Variants in TLK1 observed in about 807,000 individuals in gnomAD.
TLK1 encodes the protein serine/threonine-protein kinase tousled-like 1.
In TLK1, 24 loss-of-function variants were observed where a neutral mutation model predicts 105.3. The observed-to-expected ratio is 0.23, with a 90% CI of 0.17 to 0.32. The LOEUF (loss-of-function observed/expected upper bound fraction) is 0.32, where lower values mean the gene tolerates loss of function less well. Ranked by LOEUF, TLK1 falls within the 10% of genes least tolerant of loss-of-function variation. The pLI is 1.00. For synonymous variants in TLK1, 321 were observed against 310.4 expected (o/e 1.03, Z -0.36); for missense variants, 558 against 910.5 (o/e 0.61, Z 4.98).
chr2:171,197,156 T>C (rs988227485), intron 1 of TLK1, among the ~76,000 whole-genome samples: 7 of 152,188 alleles, frequency 4.6e-5, no homozygotes, highest in Non-Finnish European at 8.8e-5. Context: ...TTTTGTGTTA[T>C]GGTCTAATGG....
intron 12 of TLK1, among the ~76,000 whole-genome samples, chr2:171,024,128 A>G (rs1247882394): frequency 2.6e-5 from 4 of 152,180 alleles, no homozygotes; most frequent in Non-Finnish European, 5.9e-5. Context: ...GTATATAATT[A>G]ATGATAACCA....
In TLK1 at chr2:171,034,665, T is replaced by C. The variant is rs74539544; in HGVS notation, c.1170-6260A>G. 2.8e-4 allele frequency among the ~76,000 whole-genome samples: 43 copies of C among 152,270 alleles called. 1 individual carries two copies. In the East Asian group the frequency reaches 8.3e-3, roughly 29 times the overall value. Reference sequence around the variant, plus strand: ...CAGTTTTGAAACTAGAGAGAAGTGATGGTACATAACACTGTGAATGGACTA... The same window carrying C: ...CAGTTTTGAAACTAGAGAGAAGTGACGGTACATAACACTGTGAATGGACTA... On this transcript the variant is annotated intron_variant, in intron 11 of 20. Transcript: ENST00000431350.
chr2:171,082,857 T>TA lies in TLK1; in HGVS notation c.259-6dup, dbSNP rs757099285. ...GCTTTCGTTATTTGTTGAGGCCTGT[T>TA]AAAGATTTTTTAAAAGGTAAAAATT... is the stretch of plus-strand genomic sequence containing the variant. On this transcript the variant is annotated splice_region_variant and splice_polypyrimidine_tract_variant and intron_variant, in intron 2 of 20. Coordinates refer to ENST00000431350, the MANE Select transcript of TLK1 (RefSeq NM_012290.5). The TA allele has an allele frequency of 1.3e-6, 2 of 1,596,806 alleles. No homozygotes were observed. Among genetic ancestry groups the TA allele is most frequent in the Non-Finnish European group, 1.7e-6 (2 of 1,174,472 alleles).
At chr2:170,994,948 A>G (rs1683982889) in intron 20 of TLK1, among the ~76,000 whole-genome samples, 1 of 152,188 alleles carries the variant, frequency 6.6e-6, no homozygotes, top group Non-Finnish European at 1.5e-5. Context: ...CATACCATTA[A>G]ACAGAAGTAT....
intron 1 of TLK1, among the ~76,000 whole-genome samples, chr2:171,215,373 G>A (rs1291103040): frequency 6.6e-6 from 1 of 152,194 alleles, no homozygotes; most frequent in Non-Finnish European, 1.5e-5. Context: ...AGAACAGAGT[G>A]CTCTTCTCCA....
In TLK1 at chr2:171,006,225, C is replaced by A; in HGVS notation, c.1826G>T (p.Gly609Val). 1 of 1,610,442 alleles carries A rather than the reference C, an allele frequency of 6.2e-7. No homozygotes were observed. The highest frequency in any genetic ancestry group is 8.5e-7 in the Non-Finnish European group (1 of 1,178,632). Residue 609 changes from glycine (G) to valine (V), a missense_variant, in exon 18 of 21, where the codon GGT becomes GTT. By Grantham distance (109) the Gly-to-Val change is moderately radical (BLOSUM62 -3). This residue lies in a region of TLK1 where 218 missense variants were observed against 492.9 expected (regional missense o/e 0.44). Coordinates refer to ENST00000431350, the MANE Select transcript of TLK1 (RefSeq NM_012290.5). ...ATCATCATCCATAATCTTGGACAGACCAAAATCAGTGATTTTGATTTCACC... is the reference window on the plus strand; with the variant it reads ...ATCATCATCCATAATCTTGGACAGAACAAAATCAGTGATTTTGATTTCACC... Reference protein sequence around the residue: ...ACGEIKITDFGLSKIMDDDSY... With the variant: ...ACGEIKITDFVLSKIMDDDSY...
intron 14 of TLK1, among the ~76,000 whole-genome samples, chr2:171,009,043 T>C (rs1684777746): frequency 6.6e-6 from 1 of 152,144 alleles, no homozygotes; most frequent in Non-Finnish European, 1.5e-5. Flanking sequence ...ATTAAGTGCT[T>C]AAGGATAAAC....
chr2:171,087,309 C>T (rs533174802), intron 2 of TLK1, among the ~76,000 whole-genome samples: 169 of 152,070 alleles, frequency 1.1e-3, no homozygotes, highest in African/African-American at 3.8e-3. Context: ...AAATAAAAAC[C>T]GTAAAAAGAG....
intron 1 of TLK1, among the ~76,000 whole-genome samples, chr2:171,199,292 C>T (rs1558988842): frequency 6.6e-6 from 1 of 152,168 alleles, no homozygotes; most frequent in Non-Finnish European, 1.5e-5. Flanking sequence ...GAAAGGATTG[C>T]TTGAGCCCAG....
In TLK1 at chr2:171,169,449, AAAGG is replaced by A. The variant is rs1255989627; in HGVS notation, c.-5-51596_-5-51593del. The stretch of plus-strand genomic sequence containing the variant: ...TAAAATGTGTATAACAAAAAGAATG[AAAGG>A]AAATATATCAAAATATTTTTATTAC... On this transcript the variant is annotated intron_variant, in intron 1 of 20. Coordinates refer to the TLK1 transcript ENST00000521943. 1.4e-3 allele frequency among the ~76,000 whole-genome samples: 216 copies of A among 152,316 alleles called. 1 individual carries two copies. The highest frequency in any genetic ancestry group is 1.8e-4 in the Non-Finnish European group (12 of 68,030).
intron 2 of TLK1, among the ~76,000 whole-genome samples, chr2:171,086,845 A>ATC (rs1558934143): frequency 6.6e-6 from 1 of 152,082 alleles, no homozygotes; most frequent in East Asian, 1.9e-4. Flanking sequence ...GTAAGGAGGG[A>ATC]TACGCTGGAA....
intron 1 of TLK1, among the ~76,000 whole-genome samples, chr2:171,140,668 A>G (rs1691536879): frequency 6.6e-6 from 1 of 152,226 alleles, no homozygotes; most frequent in African/African-American, 2.4e-5. Flanking sequence ...TCAAAATTAA[A>G]TGTAAATTTT....
chr2:171,214,292 G>A (rs1229626072), intron 1 of TLK1, among the ~76,000 whole-genome samples: 2 of 152,240 alleles, frequency 1.3e-5, no homozygotes, highest in East Asian at 3.9e-4. Flanking sequence ...GCTTGGGTGA[G>A]TCACGTAACC....
chr2:171,026,207 T>C (rs1383518846), intron 12 of TLK1, among the ~76,000 whole-genome samples: 1 of 151,906 alleles, frequency 6.6e-6, no homozygotes. Flanking sequence ...ATACGAAAAA[T>C]ATAGAAGTCA....
intron 1 of TLK1, among the ~76,000 whole-genome samples, chr2:171,147,733 T>C (rs1398233639): frequency 6.6e-6 from 1 of 152,222 alleles, no homozygotes; most frequent in Admixed American, 6.5e-5. Context: ...CAGATGTAGA[T>C]TTCAAATGAT....
intron 10 of TLK1, among the ~76,000 whole-genome samples, chr2:171,047,199 T>C (rs758927688): frequency 1.8e-4 from 28 of 152,202 alleles, no homozygotes; most frequent in Non-Finnish European, 2.5e-4. Context: ...ATTATTAAAA[T>C]GTAGATTAGA....
intron 13 of TLK1, among the ~76,000 whole-genome samples, chr2:171,012,253 C>T (rs879645546): frequency 1.3e-5 from 2 of 152,096 alleles, no homozygotes; most frequent in African/African-American, 4.8e-5. Flanking sequence ...TCAACTTGTG[C>T]GTTTTATGCT....
chr2:171,092,464 A>G (rs1240888381), intron 2 of TLK1, among the ~76,000 whole-genome samples: 2 of 152,206 alleles, frequency 1.3e-5, no homozygotes, highest in Non-Finnish European at 2.9e-5. Context: ...AATTAATTCT[A>G]AATATTAATC....
chr2:170,996,508 A>G, intron 20 of TLK1, 145 bp downstream of exon 20: 1 of 535,938 alleles, frequency 1.9e-6, no homozygotes, highest in South Asian at 3.6e-5. Flanking sequence ...TCCTTCTCTG[A>G]AAGTAAATCA....
Sources: allele counts gnomAD v4.1 joint callset (sites outside exome capture counted in the v4.1 genomes callset), GRCh38; gene constraint gnomAD v4.1.1; regional missense constraint gnomAD v4.1.1; transcripts MANE v1.5; gene names NCBI Gene and HGNC (gene_info 2026-07-23, HGNC 2026-07-21).